PCNT: variants seen among roughly 807,000 people sequenced by gnomAD.
PCNT encodes the protein kendrin.
In PCNT, 319 loss-of-function variants were observed where a neutral mutation model predicts 380.4. The observed-to-expected ratio is 0.84, with a 90% CI of 0.77 to 0.92. The LOEUF (loss-of-function observed/expected upper bound fraction) is 0.92, where lower values mean the gene tolerates loss of function less well. Among genes scored for constraint, PCNT ranks in the 40% least tolerant of loss-of-function variants. PCNT has a pLI of 0.00. For synonymous variants in PCNT, 1,845 were observed against 1,735.2 expected (o/e 1.06, Z -1.57); for missense variants, 4,400 against 4,255.3 (o/e 1.03, Z -0.95).
At position 46,367,016 on chromosome 21, in the gene PCNT, A is replaced by G; in HGVS notation, c.3042A>G (p.Gln1014=). 4 of 1,614,176 alleles carry G rather than the reference A, an allele frequency of 2.5e-6. No individual in the cohort carries two copies. Among genetic ancestry groups the G allele is most frequent in the Non-Finnish European group, 3.4e-6 (4 of 1,180,032 alleles). Residue 1014 remains glutamine (Q), a synonymous_variant, in exon 15 of 47, where the codon CAA becomes CAG. Transcript: ENST00000359568. ...KDSLHQTILT[Q]ELEKLKRKHE... is the part of the protein sequence containing the mutation. ...CTCTTCACCAAACGATTTTGACTCAAGAGTTGGAGAAACTGAAGCGGAAAC... is the reference window on the plus strand; with the variant it reads ...CTCTTCACCAAACGATTTTGACTCAGGAGTTGGAGAAACTGAAGCGGAAAC...
intron 3 of PCNT, among the ~76,000 whole-genome samples, chr21:46,336,858 C>T (rs1449952213): frequency 6.7e-6 from 1 of 149,080 alleles, no homozygotes; most frequent in Non-Finnish European, 1.5e-5. Flanking sequence ...GAGCCTAATC[C>T]AGCACCACAG....
intron 15 of PCNT, among the ~76,000 whole-genome samples, chr21:46,371,831 C>G (rs545316043): frequency 1.4e-5 from 2 of 146,284 alleles, no homozygotes; most frequent in East Asian, 4.2e-4. Context: ...CACATGCAGA[C>G]ACAGCACATA....
At chr21:46,358,330 C>T (rs1048274087) in intron 13 of PCNT, among the ~76,000 whole-genome samples, 1 of 152,216 alleles carries the variant, frequency 6.6e-6, no homozygotes, top group African/African-American at 2.4e-5. Flanking sequence ...TTTGCTCCTC[C>T]CTGTGAATGT....
intron 22 of PCNT, 40 bp from the exon 23 acceptor site, chr21:46,397,974 C>T: frequency 6.7e-7 from 1 of 1,500,000 alleles, no homozygotes; most frequent in Non-Finnish European, 9.0e-7. Flanking sequence ...GGCACGCCAG[C>T]CCCGTTGGGG....
At chr21:46,387,392 G>A (rs2268521) in intron 17 of PCNT, among the ~76,000 whole-genome samples, 1,614 of 152,302 alleles carry the variant, frequency 0.011, 35 homozygotes, top group East Asian at 0.048. Flanking sequence ...GGGGCACAGC[G>A]GCCAGTGGGG....
chr21:46,395,861 A>G (rs2086192331), intron 21 of PCNT, among the ~76,000 whole-genome samples: 2 of 151,584 alleles, frequency 1.3e-5, no homozygotes, highest in African/African-American at 2.4e-5. Flanking sequence ...CAGAGACTCC[A>G]TCTCAGAAAT....
At chr21:46,392,615 C>T (rs551866235) in intron 21 of PCNT, among the ~76,000 whole-genome samples, 6 of 152,234 alleles carry the variant, frequency 3.9e-5, no homozygotes, top group Non-Finnish European at 7.3e-5. Context: ...CGTGCCTCCT[C>T]GTGGTGCCCC....
chr21:46,402,879 G>GA (rs539599672), intron 27 of PCNT, among the ~76,000 whole-genome samples: 7 of 152,160 alleles, frequency 4.6e-5, no homozygotes, highest in East Asian at 3.9e-4. Context: ...GGCATGATGG[G>GA]AAAAAAATCT....
At chr21:46,328,086 G>A (rs1005155083) in intron 2 of PCNT, among the ~76,000 whole-genome samples, 1 of 152,180 alleles carries the variant, frequency 6.6e-6, no homozygotes, top group African/African-American at 2.4e-5. Context: ...AGGATTTGCT[G>A]GAAAACTGGT....
rs755183952 is a variant in PCNT, at chr21:46,430,204, G to A, written c.7885G>A (p.Glu2629Lys). Reference protein sequence around the residue: ...KSEQLSRSLCEVQQEVLQLRS... With the variant: ...KSEQLSRSLCKVQQEVLQLRS... ...CGAACAGCTGTCCCGGTCCCTCTGC[G>A]AGGTGCAGCAGGAGGTCCTCCAGCT... Residue 2629 changes from glutamate (E) to lysine (K), a missense_variant, in exon 36 of 47, where the codon GAG becomes AAG. Glu to Lys is a moderately conservative substitution (Grantham distance 56). Transcript: ENST00000359568. 16 of 1,613,836 alleles carry A rather than the reference G, an allele frequency of 9.9e-6. No individual in the cohort carries two copies. Among genetic ancestry groups the A allele is most frequent in the South Asian group, 1.1e-5 (1 of 91,074 alleles).
At position 46,399,216 on chromosome 21, in the gene PCNT, C is replaced by T. The variant is rs537741445; in HGVS notation, c.4585-374C>T. Among the ~76,000 whole-genome samples the T allele has an allele frequency of 4.9e-5, 4 of 81,914 alleles. No homozygotes were observed. The East Asian group carries it at 1.4e-3, about 29-fold the overall frequency. The allele number at this position is 81,914 out of a possible 152,430, so 53.7% of individuals were successfully genotyped here. A position where few individuals can be genotyped will look rare whatever the true frequency, so the allele number is the denominator to read the frequency against. On this transcript the variant is annotated intron_variant, in intron 24 of 46. Transcript: ENST00000359568. ...CTTAACACAACATCACCCTATACTT[C>T]CTTTAGATCTCTGTTCAGCCTCTGG...
rs763014546 is a variant in PCNT at position 46,388,867 on chromosome 21, G to A, written c.3590G>A (p.Gly1197Asp). The change falls in exon 18 of 47, where the codon GGC (glycine) becomes GAC (aspartate). Residue 1197 changes from glycine to aspartate, a missense_variant. By Grantham distance (94) the Gly-to-Asp change is moderately conservative. Transcript: ENST00000359568. This position sits in a 1 kb window ranked among gnomAD's most constrained non-coding sequence, Gnocchi z 4.2. The stretch of plus-strand genomic sequence containing the variant: ...CTCTGCCTGGATGACGCGGGCGCAG[G>A]CCTGGCCCTGTCGACAGGTGAGTGT... ...VGLCLDDAGA[G>D]LALSTAPALE... 19 of 1,605,574 alleles carry A rather than the reference G, an allele frequency of 1.2e-5. No homozygotes were observed. Among genetic ancestry groups the A allele is most frequent in the Admixed American group, 1.7e-5 (1 of 59,644 alleles).
chr21:46,379,894 C>T (rs1335582206), intron 15 of PCNT, among the ~76,000 whole-genome samples: 1 of 152,234 alleles, frequency 6.6e-6, no homozygotes, highest in Non-Finnish European at 1.5e-5. Context: ...TGCCAAGCCA[C>T]ATGGTCACTG....
intron 6 of PCNT, among the ~76,000 whole-genome samples, chr21:46,348,087 T>C (rs2084134506): frequency 6.6e-6 from 1 of 152,176 alleles, no homozygotes; most frequent in African/African-American, 2.4e-5. Context: ...AGTCCAGGCT[T>C]GGGGTTGTGT....
At chr21:46,345,143 G>T (rs1601790247) in intron 3 of PCNT, among the ~76,000 whole-genome samples, 1 of 152,204 alleles carries the variant, frequency 6.6e-6, no homozygotes, top group African/African-American at 2.4e-5. Flanking sequence ...CCTGAGAGCA[G>T]GTTGTTTGTT....
intron 3 of PCNT, among the ~76,000 whole-genome samples, chr21:46,343,721 A>C (rs1299165618): frequency 6.6e-6 from 1 of 152,336 alleles, no homozygotes; most frequent in East Asian, 1.9e-4. Flanking sequence ...AATGTCTGAT[A>C]GAATTCAGCT....
intron 29 of PCNT, among the ~76,000 whole-genome samples, chr21:46,415,073 G>T (rs905660280): frequency 6.6e-6 from 1 of 152,222 alleles, no homozygotes; most frequent in Admixed American, 6.5e-5. Flanking sequence ...CGAGCCCCTC[G>T]CAGCCCTCGT....
chr21:46,379,723 C>A (rs906567847), intron 15 of PCNT, among the ~76,000 whole-genome samples: 3 of 152,116 alleles, frequency 2.0e-5, no homozygotes, highest in African/African-American at 7.2e-5. Context: ...GCTGCCGAAC[C>A]CCTCTCTAGT....
At chr21:46,324,473 C>T (rs890398170) in intron 1 of PCNT, among the ~76,000 whole-genome samples, 191 bp downstream of exon 1, 46 of 151,668 alleles carry the variant, frequency 3.0e-4, no homozygotes, top group African/African-American at 1.1e-3. Context: ...CCGCTCTCCG[C>T]CAGGTCCCGC....
Sources: gnomAD v4.1 joint callset for allele counts (sites outside exome capture counted in the v4.1 genomes callset) on GRCh38, gnomAD v4.1.1 for gene constraint, Gnocchi (gnomAD v3.1) non-coding constraint, MANE v1.5 for transcripts, NCBI Gene and HGNC (gene_info 2026-07-23, HGNC 2026-07-21) for gene names.